The following SERINC5 variants were observed in gnomAD, a reference collection of about 807,000 sequenced individuals.
The protein encoded by SERINC5 is chromosome 5 open reading frame 12.
In SERINC5, 41 loss-of-function variants were observed where a neutral mutation model predicts 63.1. The ratio of observed to expected loss-of-function variants is 0.65; its 90% confidence interval spans 0.51 to 0.84. The LOEUF is 0.84. SERINC5 is among the 40% of genes least tolerant of loss of function. SERINC5 has a pLI of 0.00. For synonymous variants in SERINC5, 222 were observed against 215.2 expected (o/e 1.03, Z -0.28); for missense variants, 523 against 573.0 (o/e 0.91, Z 0.89).
At chr5:80,168,637 TC>T (rs1415567358) in intron 6 of SERINC5, among the ~76,000 whole-genome samples, 5 of 152,176 alleles carry the variant, frequency 3.3e-5, no homozygotes, top group Non-Finnish European at 7.3e-5. Context: ...ACAAAAAAAA[TC>T]AGACCAGGGA....
chr5:80,201,436 C>A (rs1468711406), intron 2 of SERINC5, among the ~76,000 whole-genome samples: 4 of 152,206 alleles, frequency 2.6e-5, no homozygotes. Flanking sequence ...CTGCCCTTCC[C>A]GGGCACTGAT....
intron 9 of SERINC5, among the ~76,000 whole-genome samples, chr5:80,147,553 G>GTAAC (rs1745901339): frequency 6.6e-6 from 1 of 152,156 alleles, no homozygotes; most frequent in South Asian, 2.1e-4. Context: ...CCCTTCCTGG[G>GTAAC]TAACTGCCAT....
At chr5:80,248,235 C>T (rs1019911426) in intron 1 of SERINC5, among the ~76,000 whole-genome samples, 3 of 152,190 alleles carry the variant, frequency 2.0e-5, no homozygotes, top group Admixed American at 1.3e-4. Context: ...TCTTATGACA[C>T]TATGCCAACA....
chr5:80,162,283 T>C (rs1746987214), intron 7 of SERINC5, among the ~76,000 whole-genome samples: 2 of 152,260 alleles, frequency 1.3e-5, no homozygotes, highest in Admixed American at 6.5e-5. Context: ...GCGCTAAATC[T>C]GTAAGACTGC....
intron 8 of SERINC5, chr5:80,157,016 TAC>T (rs947830519): frequency 7.9e-6 from 1 of 126,746 alleles, no homozygotes; most frequent in Admixed American, 9.0e-5. Context: ...TTTTTTGAAA[TAC>T]AGTTTCTCTC....
chr5:80,170,929 C>T (rs1747609987), intron 5 of SERINC5, among the ~76,000 whole-genome samples: 1 of 152,160 alleles, frequency 6.6e-6, no homozygotes, highest in Non-Finnish European at 1.5e-5. Flanking sequence ...ATCACCTGAG[C>T]TCGGGTGGAT....
intron 1 of SERINC5, among the ~76,000 whole-genome samples, chr5:80,209,233 T>C (rs1318371527): frequency 6.6e-6 from 1 of 152,220 alleles, no homozygotes; most frequent in East Asian, 1.9e-4. Flanking sequence ...ATCGCGCCAC[T>C]GCACTCCAGC....
chr5:80,162,003 C>T (rs1185858287), intron 7 of SERINC5, among the ~76,000 whole-genome samples: 2 of 152,158 alleles, frequency 1.3e-5, no homozygotes, highest in Non-Finnish European at 2.9e-5. Context: ...TCAACTTTGT[C>T]AAAGACCAGA....
chr5:80,156,930 T>A (rs1746558722), intron 8 of SERINC5: 1 of 152,038 alleles, frequency 6.6e-6, no homozygotes, highest in Admixed American at 6.6e-5. Context: ...ATTTTTGCCA[T>A]CTTTTCCATT....
Position 80,140,315 on chromosome 5 carries a change from A to G in SERINC5, c.*3348T>C. Reference sequence around the variant, plus strand: ...GAGTGAGCCCGTCTCCAAAAAAAAAAAAAAAAAAAAAAAAAAAGGCTTAGG... The same window carrying G: ...GAGTGAGCCCGTCTCCAAAAAAAAAGAAAAAAAAAAAAAAAAAGGCTTAGG... On this transcript the variant is annotated 3_prime_UTR_variant, in exon 12 of 12. Coordinates refer to ENST00000507668, the MANE Select transcript of SERINC5 (RefSeq NM_001174072.3). 4.8e-6 allele frequency: 4 copies of G among 841,634 alleles called. No individual in the cohort carries two copies. Among genetic ancestry groups the G allele is most frequent in the Non-Finnish European group, 5.7e-6 (4 of 706,770 alleles). The allele number at this position is 841,634 out of a possible 1,614,324, so 52.1% of individuals were successfully genotyped here.
At chr5:80,156,819 C>A (rs1746548834) in intron 8 of SERINC5, among the ~76,000 whole-genome samples, 1 of 152,062 alleles carries the variant, frequency 6.6e-6, no homozygotes, top group Non-Finnish European at 1.5e-5. Flanking sequence ...CAGAAGAATT[C>A]TTTACACCTG....
chr5:80,237,028 G>A lies in SERINC5; in HGVS notation c.27+18868C>T, dbSNP rs558995784. On this transcript the variant is annotated intron_variant, in intron 1 of 11. Coordinates refer to ENST00000507668, the MANE Select transcript of SERINC5 (RefSeq NM_001174072.3). Reference sequence around the variant, plus strand: ...TTTTGTAGAGACGGGGTTTCACCACGTTGGCCAGGCCGGTCTTTGAATTTC... The same window carrying A: ...TTTTGTAGAGACGGGGTTTCACCACATTGGCCAGGCCGGTCTTTGAATTTC... 4.7e-5 allele frequency among the ~76,000 whole-genome samples: 7 copies of A among 149,994 alleles called. No homozygotes were observed. The East Asian group carries it at 1.0e-3, about 21-fold the overall frequency.
rs183949118 is a variant in SERINC5, at chr5:80,164,256, G to T, written c.859+2127C>A. On this transcript the variant is annotated intron_variant, in intron 7 of 11. Transcript: ENST00000507668. ...TTCTCTCTTCTTGGTTAGTCCAGGGGCTTATCAATTTTGTTTATCTTTTCA... is the reference window on the plus strand; with the variant it reads ...TTCTCTCTTCTTGGTTAGTCCAGGGTCTTATCAATTTTGTTTATCTTTTCA... Among the ~76,000 whole-genome samples, 252 of 148,794 alleles carry T rather than the reference G, an allele frequency of 1.7e-3. 1 individual carries two copies. Among genetic ancestry groups the T allele is most frequent in the Middle Eastern group, 0.01 (3 of 290 alleles).
chr5:80,175,086 C>A, intron 4 of SERINC5, 39 bp from the exon 5 acceptor site: 1 of 1,430,188 alleles, frequency 7.0e-7, no homozygotes, highest in African/African-American at 1.4e-5. Context: ...GGCAACCTTT[C>A]GTTGTATTTT....
chr5:80,183,724 A>C (rs1383174219), intron 2 of SERINC5, among the ~76,000 whole-genome samples: 1 of 151,558 alleles, frequency 6.6e-6, no homozygotes, highest in Non-Finnish European at 1.5e-5. Context: ...ACCAGAGAAC[A>C]ACCCCCTTTG....
At chr5:80,211,521 C>G (rs775941760) in intron 1 of SERINC5, among the ~76,000 whole-genome samples, 1 of 152,218 alleles carries the variant, frequency 6.6e-6, no homozygotes, top group Non-Finnish European at 1.5e-5. Context: ...TTGCTCTAAT[C>G]TAACTTCGAG....
At chr5:80,237,832 G>A (rs931275080) in intron 1 of SERINC5, among the ~76,000 whole-genome samples, 7 of 151,944 alleles carry the variant, frequency 4.6e-5, no homozygotes, top group South Asian at 2.1e-4. Flanking sequence ...GGCCAGGCAC[G>A]GTGGCTCACG....
intron 1 of SERINC5, among the ~76,000 whole-genome samples, chr5:80,213,245 C>CAAAAAAAAAAAAAAAAAAA (rs57289084): frequency 7.5e-6 from 1 of 132,644 alleles, no homozygotes; most frequent in African/African-American, 2.9e-5. Context: ...GACTGCATCT[C>CAAAAAAAAAAAAAAAAAAA]AAAGAAAGAA....
At chr5:80,197,311 GA>G (rs1749569009) in intron 2 of SERINC5, among the ~76,000 whole-genome samples, 4 of 1,230 alleles carry the variant, frequency 3.3e-3, no homozygotes, top group Non-Finnish European at 5.4e-3. Flanking sequence ...CCATCTGTGA[GA>G]GAGAGAGAGA....
Sources: gnomAD v4.1 joint callset for allele counts (sites outside exome capture counted in the v4.1 genomes callset) on GRCh38, gnomAD v4.1.1 for gene constraint, MANE v1.5 for transcripts, NCBI Gene and HGNC (gene_info 2026-07-23, HGNC 2026-07-21) for gene names.